Variants in NXPE2 observed in about 807,000 individuals in gnomAD.
NXPE2 encodes the protein neurexophilin and PC-esterase domain family member 2.
In NXPE2, 34 loss-of-function variants were observed where a neutral mutation model predicts 34.4. The observed-to-expected ratio is 0.99, with a 90% CI of 0.75 to 1.31. The LOEUF is 1.31. NXPE2 is among the 40% of genes most tolerant of loss of function. NXPE2 has a pLI of 0.00. For synonymous variants in NXPE2, 235 were observed against 231.3 expected, an observed-to-expected ratio of 1.02 and a Z score of -0.15; for missense variants, 649 against 672.5, an observed-to-expected ratio of 0.97 and a Z score of 0.39.
chr11:114,504,186 A>T, the NXPE2 span, among the ~76,000 whole-genome samples: 6,332 of 152,020 alleles, frequency 0.042, 401 homozygotes, highest in African/African-American at 0.14. Context: ...GCAGTATGCA[A>T]CCCCCCAACC....
the NXPE2 span, among the ~76,000 whole-genome samples, chr11:114,586,575 A>G: frequency 2.8e-3 from 420 of 152,180 alleles, 1 homozygote; most frequent in African/African-American, 9.7e-3. Context: ...GGTGCTGGGA[A>G]TGTTGGCTTT....
the NXPE2 span, among the ~76,000 whole-genome samples, chr11:114,573,986 A>G: frequency 1.3e-5 from 2 of 152,144 alleles, no homozygotes; most frequent in Non-Finnish European, 2.9e-5. Flanking sequence ...AGTAAATTTA[A>G]GAAAATCAAA....
At chr11:114,783,083 C>T in the NXPE2 span, among the ~76,000 whole-genome samples, 1 of 152,228 alleles carries the variant, frequency 6.6e-6, no homozygotes, top group Non-Finnish European at 1.5e-5. Flanking sequence ...CTCCGGCTCC[C>T]TGCAAAGTCC....
At chr11:114,760,332 T>A in the NXPE2 span, among the ~76,000 whole-genome samples, 2 of 152,188 alleles carry the variant, frequency 1.3e-5, no homozygotes, top group Non-Finnish European at 2.9e-5. Context: ...TAAGAATATG[T>A]CGGTGCCCCA....
chr11:114,610,204 T>C, the NXPE2 span, among the ~76,000 whole-genome samples: 4 of 151,850 alleles, frequency 2.6e-5, no homozygotes, highest in African/African-American at 9.7e-5. Context: ...GGGTAGCCAC[T>C]GTTACCCAGT....
At chr11:114,551,112 G>A in the NXPE2 span, 1 of 1,513,906 alleles carries the variant, frequency 6.6e-7, no homozygotes, top group Non-Finnish European at 8.9e-7. Flanking sequence ...CCTTTGTGAA[G>A]TTCTGAGAAA....
chr11:114,522,269 T>C, the NXPE2 span: 15 of 1,614,060 alleles, frequency 9.3e-6, no homozygotes, highest in Non-Finnish European at 1.3e-5. Flanking sequence ...AATAAAAATG[T>C]CAATGGGAAA....
At chr11:114,810,394 A>G in the NXPE2 span, among the ~76,000 whole-genome samples, 78,645 of 82,842 alleles carry the variant, frequency 0.95, 37,879 homozygotes, top group Middle Eastern at 1. Context: ...TACCATCAGA[A>G]TGAACAGGCA....
chr11:114,673,277 G>T, the NXPE2 span, among the ~76,000 whole-genome samples: 1 of 151,286 alleles, frequency 6.6e-6, no homozygotes, highest in South Asian at 2.1e-4. Flanking sequence ...ACTTTCAGAT[G>T]AATGAAAATG....
chr11:114,667,675 G>A, the NXPE2 span, among the ~76,000 whole-genome samples: 28 of 152,094 alleles, frequency 1.8e-4, no homozygotes, highest in Admixed American at 1.6e-3. Context: ...CATGGAAAGT[G>A]GCGAAGAACT....
At chr11:114,803,631 C>T in the NXPE2 span, among the ~76,000 whole-genome samples, 1 of 151,562 alleles carries the variant, frequency 6.6e-6, no homozygotes, top group Admixed American at 6.6e-5. Flanking sequence ...GGCTGGAGCA[C>T]AGTGGCACAA....
chr11:114,699,145 C>T (rs1396366544), intron 3 of NXPE2, among the ~76,000 whole-genome samples: 1 of 152,116 alleles, frequency 6.6e-6, no homozygotes, highest in African/African-American at 2.4e-5. Context: ...TGAATGATAT[C>T]ATTGTTCAGT....
the NXPE2 span, among the ~76,000 whole-genome samples, chr11:114,538,938 A>C: frequency 6.6e-6 from 1 of 152,172 alleles, no homozygotes; most frequent in Admixed American, 6.6e-5. Context: ...TACTGGGTAT[A>C]TACCCAAAGG....
chr11:114,542,742 C>T, the NXPE2 span, among the ~76,000 whole-genome samples: 2 of 151,438 alleles, frequency 1.3e-5, no homozygotes, highest in Non-Finnish European at 2.9e-5. Context: ...AGTCATTTAC[C>T]AAGAAAAAAG....
intron 2 of NXPE2, among the ~76,000 whole-genome samples, chr11:114,690,719 G>C (rs1404257173): frequency 2.6e-5 from 4 of 152,042 alleles, no homozygotes. Flanking sequence ...GCTCAAAAAT[G>C]CCAGTGAGTC....
At chr11:114,795,438 C>A in the NXPE2 span, among the ~76,000 whole-genome samples, 4 of 152,200 alleles carry the variant, frequency 2.6e-5, no homozygotes, top group Non-Finnish European at 5.9e-5. Flanking sequence ...CCAAAATAAT[C>A]CTAACACAAT....
chr11:114,678,329 G>C, upstream of NXPE2: 1 of 395,698 alleles, frequency 2.5e-6, no homozygotes. Flanking sequence ...TAGATGTCCA[G>C]TCTCTAAAAA....
the NXPE2 span, among the ~76,000 whole-genome samples, chr11:114,492,853 C>G: frequency 3.3e-5 from 5 of 152,086 alleles, no homozygotes; most frequent in Non-Finnish European, 7.4e-5. Flanking sequence ...TCCAATGTTT[C>G]TTTGTTGATT....
chr11:114,582,421 G>C, the NXPE2 span: 1 of 1,614,158 alleles, frequency 6.2e-7, no homozygotes, highest in Non-Finnish European at 8.5e-7. Context: ...CTGTTGTCCA[G>C]GTACTGGCAC....
Sources: allele counts gnomAD v4.1 joint callset (sites outside exome capture counted in the v4.1 genomes callset), GRCh38; gene constraint gnomAD v4.1.1; transcripts MANE v1.5; gene names NCBI Gene and HGNC (gene_info 2026-07-23, HGNC 2026-07-21).